GANAB: variants seen among roughly 807,000 people sequenced by gnomAD.
The protein encoded by GANAB is neutral alpha-glucosidase AB.
Under a neutral mutation model 129.9 loss-of-function variants are expected in GANAB, and 35 were observed. The observed-to-expected ratio is 0.27, with a 90% CI of 0.21 to 0.36. The LOEUF (loss-of-function observed/expected upper bound fraction) is 0.36, where lower values mean the gene tolerates loss of function less well. Ranked by LOEUF, GANAB falls within the 10% of genes least tolerant of loss-of-function variation. GANAB has a pLI of 1.00. For missense variants in GANAB, 939 were observed against 1,221.0 expected, an observed-to-expected ratio of 0.77 and a Z score of 3.44; for synonymous variants, 482 against 451.8, an observed-to-expected ratio of 1.07 and a Z score of -0.85.
intron 1 of GANAB, among the ~76,000 whole-genome samples, chr11:62,643,946 ATTTT>A (rs2134557865): frequency 6.6e-6 from 1 of 152,226 alleles, no homozygotes; most frequent in African/African-American, 2.4e-5. Context: ...ACCGCATTTT[ATTTT>A]TAATTTTTTT....
chr11:62,646,311 C>T (rs1480495554), intron 1 of GANAB, among the ~76,000 whole-genome samples: 1 of 152,208 alleles, frequency 6.6e-6, no homozygotes, highest in Non-Finnish European at 1.5e-5. Context: ...CGGCCAAGAC[C>T]AAGAAAGACG....
In GANAB at chr11:62,626,409, G is replaced by T; in HGVS notation, c.2550C>A (p.His850Gln). Residue 850 changes from histidine (H) to glutamine (Q), a missense_variant, in exon 22 of 24, where the codon CAC becomes CAA. Coordinates refer to ENST00000356638, the MANE Select transcript of GANAB (RefSeq NM_198334.3). ...AQGELFLDDGHTFNYQTRQEF... is the reference protein window; with the variant it reads ...AQGELFLDDGQTFNYQTRQEF... ...CTTGGCGAGTCTGATAGTTGAACGT[G>T]TGCCCATCATCCAGAAAGAGCTCTC... 1 of 1,613,378 alleles carries T rather than the reference G, an allele frequency of 6.2e-7. No individual in the cohort carries two copies. Among genetic ancestry groups the T allele is most frequent in the African/African-American group, 1.3e-5 (1 of 75,018 alleles).
intron 1 of GANAB, among the ~76,000 whole-genome samples, chr11:62,640,908 G>A (rs1944223705): frequency 6.7e-6 from 1 of 149,026 alleles, no homozygotes; most frequent in South Asian, 2.1e-4. Flanking sequence ...TGACTCTGGT[G>A]ACATCAGCCT....
At chr11:62,632,888 C>A (rs1327114696) in intron 8 of GANAB, 117 bp downstream of exon 8, 16 of 971,986 alleles carry the variant, frequency 1.6e-5, no homozygotes, top group Non-Finnish European at 2.6e-5. Context: ...AAAGGTGATT[C>A]TGGACACAAG....
At chr11:62,630,089 CCT>C (rs1943592672) in intron 13 of GANAB, 106 bp downstream of exon 13, 2 of 1,291,570 alleles carry the variant, frequency 1.5e-6, no homozygotes, top group East Asian at 2.4e-5. Context: ...ATCAAGGCCC[CCT>C]GATATGTTGC....
At chr11:62,636,651 C>T (rs888390614) in intron 4 of GANAB, among the ~76,000 whole-genome samples, 3 of 152,066 alleles carry the variant, frequency 2.0e-5, no homozygotes, top group African/African-American at 7.2e-5. Context: ...CCTGTCTCTA[C>T]TAAAAATACA....
At chr11:62,631,260 T>C in intron 9 of GANAB, 77 bp from the exon 10 acceptor site, 1 of 1,373,478 alleles carries the variant, frequency 7.3e-7, no homozygotes, top group Non-Finnish European at 9.9e-7. Context: ...AGTAGCAATT[T>C]TCTCCCAGAG....
At chr11:62,639,281 G>T in intron 3 of GANAB, 78 bp downstream of exon 3, 1 of 1,257,954 alleles carries the variant, frequency 7.9e-7, no homozygotes, top group South Asian at 1.2e-5. Context: ...ACAAGATGTT[G>T]GCCACAATTT....
Position 62,633,522 on chromosome 11 carries a change from G to T in GANAB, c.561-8C>A. On this transcript the variant is annotated splice_polypyrimidine_tract_variant and splice_region_variant and intron_variant, in intron 5 of 23. Transcript: ENST00000356638. The stretch of plus-strand genomic sequence containing the variant: ...GGGTCTTTTGATCCTTGCCTGGAAG[G>T]TAGGAGAGCTGTCTGCTCCAATCCA... 1 of 1,613,688 alleles carries T rather than the reference G, an allele frequency of 6.2e-7. No homozygotes were observed. Among genetic ancestry groups the T allele is most frequent in the Non-Finnish European group, 8.5e-7 (1 of 1,179,676 alleles).
chr11:62,625,402 A>T lies in GANAB; in HGVS notation c.*413T>A. ...TCTGGTGGGAGGGAAGGGGAAAAGG[A>T]GCCCTAACTCATTGCCCTCATCTTC... is the stretch of plus-strand genomic sequence containing the variant. On this transcript the variant is annotated 3_prime_UTR_variant, in exon 24 of 24. Coordinates refer to ENST00000356638, the MANE Select transcript of GANAB (RefSeq NM_198334.3). 4.8e-6 allele frequency: 2 copies of T among 418,360 alleles called. No homozygotes were observed. Among genetic ancestry groups the T allele is most frequent in the Non-Finnish European group, 9.5e-6 (2 of 211,044 alleles). The allele number at this position is 418,360 out of a possible 1,614,324, so 25.9% of individuals were successfully genotyped here.
intron 18 of GANAB, 28 bp downstream of exon 18, chr11:62,627,261 C>T: frequency 6.7e-7 from 1 of 1,496,200 alleles, no homozygotes; most frequent in Non-Finnish European, 9.3e-7. Flanking sequence ...CCAAAGCCAA[C>T]CCACCACCAA....
intron 23 of GANAB, 25 bp from the exon 24 acceptor site, chr11:62,625,949 A>C: frequency 2.6e-6 from 4 of 1,537,600 alleles, no homozygotes; most frequent in South Asian, 2.2e-5. Flanking sequence ...AAAGAGTGCC[A>C]TAGTCATACC....
At chr11:62,637,298 G>A (rs943101770) in intron 4 of GANAB, among the ~76,000 whole-genome samples, 1 of 152,154 alleles carries the variant, frequency 6.6e-6, no homozygotes, top group African/African-American at 2.4e-5. Context: ...TAATAGGGAA[G>A]GCTGGCCGGG....
At chr11:62,643,793 G>C (rs1944364140) in intron 1 of GANAB, among the ~76,000 whole-genome samples, 1 of 152,118 alleles carries the variant, frequency 6.6e-6, no homozygotes, top group African/African-American at 2.4e-5. Flanking sequence ...TCTAGCCTGG[G>C]TGACAAAGTG....
chr11:62,646,184 T>G (rs527725124), intron 1 of GANAB, among the ~76,000 whole-genome samples: 1 of 152,038 alleles, frequency 6.6e-6, no homozygotes, highest in African/African-American at 2.4e-5. Context: ...GGCCGCAGGC[T>G]GCATTCCCCG....
Position 62,626,857 on chromosome 11 carries a change from C to A in GANAB, c.2397+3G>T. The A allele has an allele frequency of 6.2e-7, 1 of 1,605,504 alleles. No individual in the cohort carries two copies. Among genetic ancestry groups the A allele is most frequent in the Non-Finnish European group, 8.5e-7 (1 of 1,172,782 alleles). On this transcript the variant is annotated splice_donor_region_variant and intron_variant, in intron 20 of 23. Transcript: ENST00000356638. Reference sequence around the variant, plus strand: ...AACCGGCAGCCAGACCAGGCTTACTCACACTGCTTAGAGTTACAGGCAGGT... The same window carrying A: ...AACCGGCAGCCAGACCAGGCTTACTAACACTGCTTAGAGTTACAGGCAGGT...
At chr11:62,638,475 G>A (rs781545283) in intron 4 of GANAB, among the ~76,000 whole-genome samples, 12 of 151,972 alleles carry the variant, frequency 7.9e-5, no homozygotes, top group Non-Finnish European at 1.0e-4. Flanking sequence ...TCTGAATTAT[G>A]TATTTAAGAG....
chr11:62,642,183 T>C (rs1484068591), intron 1 of GANAB, among the ~76,000 whole-genome samples: 2 of 152,068 alleles, frequency 1.3e-5, no homozygotes, highest in Non-Finnish European at 2.9e-5. Context: ...CACTCCAGCC[T>C]GGGCAACAGA....
At position 62,626,061 on chromosome 11, in the gene GANAB, T is replaced by C; in HGVS notation, c.2725+4A>G. ...CCATCCTAGGGGCCAGATTGGTCAC[T>C]CACCTTTTGTCTGGAGTACCACAGC... is the stretch of plus-strand genomic sequence containing the variant. On this transcript the variant is annotated splice_donor_region_variant and intron_variant, in intron 23 of 23. Coordinates refer to ENST00000356638, the MANE Select transcript of GANAB (RefSeq NM_198334.3). 6.2e-7 allele frequency: 1 copy of C among 1,606,310 alleles called. No individual in the cohort carries two copies. The highest frequency in any genetic ancestry group is 1.1e-5 in the South Asian group (1 of 90,928).
Sources: gnomAD v4.1 joint callset for allele counts (sites outside exome capture counted in the v4.1 genomes callset) on GRCh38, gnomAD v4.1.1 for gene constraint, MANE v1.5 for transcripts, NCBI Gene and HGNC (gene_info 2026-07-23, HGNC 2026-07-21) for gene names.